Variants in ARL15 observed in about 807,000 individuals in gnomAD.
The protein encoded by ARL15 is ADP-ribosylation factor-like protein 15.
Under a neutral mutation model 25.2 loss-of-function variants are expected in ARL15, and 19 were observed. The observed-to-expected ratio is 0.75, with a 90% confidence interval of 0.53 to 1.10. The LOEUF (loss-of-function observed/expected upper bound fraction) is 1.10, where lower values mean the gene tolerates loss of function less well. Among genes scored for constraint, ARL15 ranks in the 50% least tolerant of loss-of-function variants. ARL15 has a pLI of 0.00. For missense variants in ARL15, 220 were observed against 246.0 expected, an observed-to-expected ratio of 0.89 and a Z score of 0.71; for synonymous variants, 94 against 86.8, an observed-to-expected ratio of 1.08 and a Z score of -0.46.
At chr5:54,236,316 A>G (rs969440803) in intron 1 of ARL15, among the ~76,000 whole-genome samples, 2 of 152,130 alleles carry the variant, frequency 1.3e-5, no homozygotes, top group Non-Finnish European at 2.9e-5. Flanking sequence ...AGCCTCAGCC[A>G]TACAGCCTGG....
intron 1 of ARL15, among the ~76,000 whole-genome samples, chr5:54,186,506 C>T (rs1755244537): frequency 1.3e-5 from 2 of 152,126 alleles, no homozygotes; most frequent in Non-Finnish European, 1.5e-5. Flanking sequence ...TCAAACTTCA[C>T]GAGCAAAAGC....
At chr5:54,104,335 G>A (rs916355866) in intron 4 of ARL15, among the ~76,000 whole-genome samples, 1 of 152,110 alleles carries the variant, frequency 6.6e-6, no homozygotes, top group African/African-American at 2.4e-5. Flanking sequence ...CTTCAGACAT[G>A]TCACTAATGC....
intron 4 of ARL15, among the ~76,000 whole-genome samples, chr5:54,100,637 TATTAAA>T (rs1189985917): frequency 6.6e-6 from 1 of 152,074 alleles, no homozygotes; most frequent in Non-Finnish European, 1.5e-5. Context: ...GAGATTAAAC[TATTAAA>T]ATTAATTTTC....
rs116447477 is a variant in ARL15 at position 53,965,714 on chromosome 5, A to T, written c.463-79001T>A. 3.5e-3 allele frequency among the ~76,000 whole-genome samples: 522 copies of T among 151,162 alleles called. 3 individuals are homozygous for T. The highest frequency in any genetic ancestry group is 0.012 in the African/African-American group (500 of 41,148). On this transcript the variant is annotated intron_variant, in intron 4 of 4. Coordinates refer to ENST00000504924, the MANE Select transcript of ARL15 (RefSeq NM_019087.3). Reference sequence around the variant, plus strand: ...ACTCATGCTGCTGCCAGTGGACTTGACTATATCAGTGCATCTTTCTTCTTC... The same window carrying T: ...ACTCATGCTGCTGCCAGTGGACTTGTCTATATCAGTGCATCTTTCTTCTTC...
At chr5:54,240,260 A>AT (rs11378048) in intron 1 of ARL15, among the ~76,000 whole-genome samples, 46,580 of 142,068 alleles carry the variant, frequency 0.33, 8,226 homozygotes, top group African/African-American at 0.48. Context: ...ATCGCCAATA[A>AT]TTTTTTTTTT....
intron 2 of ARL15, among the ~76,000 whole-genome samples, chr5:54,166,037 T>C (rs949724713): frequency 2.0e-5 from 3 of 152,144 alleles, no homozygotes; most frequent in Non-Finnish European, 4.4e-5. Context: ...ACTACCCTTA[T>C]AGAAATATCC....
intron 4 of ARL15, among the ~76,000 whole-genome samples, chr5:54,077,536 G>T (rs1283580234): frequency 6.6e-6 from 1 of 152,150 alleles, no homozygotes; most frequent in Non-Finnish European, 1.5e-5. Flanking sequence ...GAATTTGGTT[G>T]TCTATGTCAG....
At chr5:54,097,024 A>G (rs932439396) in intron 4 of ARL15, among the ~76,000 whole-genome samples, 1 of 152,154 alleles carries the variant, frequency 6.6e-6, no homozygotes, top group African/African-American at 2.4e-5. Context: ...CAAGTTACAT[A>G]TATTTTATAG....
intron 1 of ARL15, among the ~76,000 whole-genome samples, chr5:54,273,179 G>A (rs986891947): frequency 6.6e-6 from 1 of 152,134 alleles, no homozygotes; most frequent in Non-Finnish European, 1.5e-5. Flanking sequence ...AATAGATTGT[G>A]TAGTGAAAAA....
At chr5:54,079,982 C>CAG (rs1452142610) in intron 4 of ARL15, among the ~76,000 whole-genome samples, 7 of 125,122 alleles carry the variant, frequency 5.6e-5, no homozygotes, top group Non-Finnish European at 1.1e-4. Context: ...CACACACACA[C>CAG]ACACACACAC....
intron 4 of ARL15, among the ~76,000 whole-genome samples, chr5:53,967,357 T>G (rs1747599149): frequency 6.6e-6 from 1 of 152,156 alleles, no homozygotes; most frequent in Non-Finnish European, 1.5e-5. Context: ...GTAAAAGTAT[T>G]GAATGATAAG....
intron 4 of ARL15, among the ~76,000 whole-genome samples, chr5:54,000,747 T>C (rs1561183435): frequency 6.6e-6 from 1 of 152,144 alleles, no homozygotes; most frequent in Non-Finnish European, 1.5e-5. Flanking sequence ...ATAAAACATA[T>C]ACCTAACAAA....
intron 4 of ARL15, among the ~76,000 whole-genome samples, chr5:54,081,575 G>C (rs974618208): frequency 1.3e-5 from 2 of 152,068 alleles, no homozygotes; most frequent in Admixed American, 1.3e-4. Flanking sequence ...ATGCTCTTCT[G>C]GTAATAGTGA....
chr5:54,227,225 T>A (rs1358111439), intron 1 of ARL15, among the ~76,000 whole-genome samples: 4 of 152,194 alleles, frequency 2.6e-5, no homozygotes, highest in Non-Finnish European at 4.4e-5. Context: ...CCAAGTTGTC[T>A]GAGCTCACCT....
At chr5:53,932,927 C>T (rs562710430) in intron 4 of ARL15, among the ~76,000 whole-genome samples, 1 of 152,234 alleles carries the variant, frequency 6.6e-6, no homozygotes, top group African/African-American at 2.4e-5. Context: ...TCGTAATCCC[C>T]GTCATCTCTC....
At chr5:54,148,157 G>A (rs1185945101) in intron 3 of ARL15, among the ~76,000 whole-genome samples, 1 of 152,138 alleles carries the variant, frequency 6.6e-6, no homozygotes, top group African/African-American at 2.4e-5. Flanking sequence ...GAAACTAAAA[G>A]AAATAGGCAG....
At chr5:54,242,142 A>G (rs1756974287) in intron 1 of ARL15, among the ~76,000 whole-genome samples, 1 of 151,974 alleles carries the variant, frequency 6.6e-6, no homozygotes, top group Non-Finnish European at 1.5e-5. Context: ...CTCCTGCATC[A>G]CTTTTAACCT....
rs1374663042 is a variant in ARL15 at position 54,245,595 on chromosome 5, C to CT, written c.48+64836dup. 6.0e-3 allele frequency among the ~76,000 whole-genome samples: 893 copies of CT among 148,336 alleles called. 7 individuals are homozygous for CT. Among genetic ancestry groups the CT allele is most frequent in the African/African-American group, 0.019 (762 of 40,546 alleles). On this transcript the variant is annotated intron_variant, in intron 1 of 4. Coordinates refer to ENST00000504924, the MANE Select transcript of ARL15 (RefSeq NM_019087.3). ...CTCTGTGAAATCAGGATGGGGACTT[C>CT]TTTTTTTTTTGAGATGGAGTTTTGC...
At chr5:54,125,070 G>GTTTTTTTTTT in intron 3 of ARL15, among the ~76,000 whole-genome samples, 1 of 135,948 alleles carries the variant, frequency 7.4e-6, no homozygotes, top group African/African-American at 2.9e-5. Flanking sequence ...CAAGTTTTTT[G>GTTTTTTTTTT]TTTTGTTTTG....
Sources: gnomAD v4.1 joint callset for allele counts (sites outside exome capture counted in the v4.1 genomes callset) on GRCh38, gnomAD v4.1.1 for gene constraint, MANE v1.5 for transcripts, NCBI Gene and HGNC (gene_info 2026-07-23, HGNC 2026-07-21) for gene names.